C8orf76: variants seen among roughly 807,000 people sequenced by gnomAD.
The protein encoded by C8orf76 is chromosome 8 open reading frame 76, also known as uncharacterized protein C8orf76.
C8orf76 carries 46 observed loss-of-function variants against 38.1 expected under a neutral mutation model. The ratio of observed to expected loss-of-function variants is 1.21; its 90% CI spans 0.95 to 1.54. The LOEUF is 1.54. Among genes scored for constraint, C8orf76 ranks in the 40% most tolerant of loss-of-function variants. The pLI is 0.00. For synonymous variants in C8orf76, 166 were observed against 167.5 expected (o/e 0.99, Z 0.07); for missense variants, 461 against 441.6 (o/e 1.04, Z -0.39).
At chr8:123,234,252 G>T (rs371849650) in intron 3 of C8orf76, among the ~76,000 whole-genome samples, 13 of 152,136 alleles carry the variant, frequency 8.5e-5, no homozygotes, top group African/African-American at 3.1e-4. Flanking sequence ...TCACAGAGAG[G>T]TTAGATAACT....
In C8orf76 at chr8:123,237,053, C is replaced by T. The variant is rs1358075511; in HGVS notation, c.357+745G>A. ...CACCCTGCACCTGGTGCTGCGCCTGCGAGGTGGCATTACTGAGCCTTCCCT... is the reference window on the plus strand; with the variant it reads ...CACCCTGCACCTGGTGCTGCGCCTGTGAGGTGGCATTACTGAGCCTTCCCT... On this transcript the variant is annotated intron_variant, in intron 3 of 5. Transcript: ENST00000276704. The T allele has an allele frequency of 2.0e-4, 256 of 1,306,124 alleles. 1 individual carries two copies. Among genetic ancestry groups the T allele is most frequent in the Admixed American group, 3.4e-5 (2 of 59,292 alleles). 80.9% of individuals were successfully genotyped at this position (1,306,124 alleles called of 1,614,324 possible). A position where few individuals can be genotyped will look rare whatever the true frequency, so the allele number is the denominator to read the frequency against.
At chr8:123,221,035 C>A (rs890749790) in intron 5 of C8orf76, among the ~76,000 whole-genome samples, 4 of 152,210 alleles carry the variant, frequency 2.6e-5, no homozygotes, top group Admixed American at 1.3e-4. Flanking sequence ...TTAAGTTCCA[C>A]ATAGATTTGC....
intron 1 of C8orf76, 151 bp downstream of exon 1, chr8:123,241,079 T>G: frequency 9.5e-6 from 7 of 734,002 alleles, no homozygotes; most frequent in Non-Finnish European, 1.4e-5. Flanking sequence ...CGCTTCCCCG[T>G]GGAGGAGGAG....
intron 4 of C8orf76, among the ~76,000 whole-genome samples, chr8:123,228,046 C>T (rs1825109256): frequency 6.6e-6 from 1 of 152,164 alleles, no homozygotes; most frequent in Non-Finnish European, 1.5e-5. Flanking sequence ...TCTGCTCATC[C>T]TCCCAGATGT....
intron 1 of C8orf76, chr8:123,239,672 A>T (rs1825613885): frequency 6.5e-6 from 1 of 152,718 alleles, no homozygotes; most frequent in Non-Finnish European, 1.5e-5. Flanking sequence ...AAGGAAAGTG[A>T]GACTGAGATT....
Position 123,241,338 on chromosome 8 carries a change from G to A in C8orf76, c.9C>T (p.Ser3=), listed in dbSNP as rs576491864. 3.3e-4 allele frequency: 520 copies of A among 1,562,820 alleles called. No individual in the cohort carries two copies. The highest frequency in any genetic ancestry group is 3.5e-4 in the Non-Finnish European group (402 of 1,161,532). Residue 3 remains serine (S), a synonymous_variant, in exon 1 of 6, where the codon TCC becomes TCT. Coordinates refer to ENST00000276704, the MANE Select transcript of C8orf76 (RefSeq NM_032847.3). The part of the protein sequence containing the change: MD[S]GCWLFGGEFE... ...ACTCGCCGCCGAACAACCAGCACCC[G>A]GAATCCATCTCGCGCCCGCGGCGGG...
intron 3 of C8orf76, among the ~76,000 whole-genome samples, chr8:123,232,258 G>A (rs111731359): frequency 0.038 from 5,753 of 152,292 alleles, 157 homozygotes; most frequent in Non-Finnish European, 0.06. Flanking sequence ...GGATAGCCCT[G>A]AAGCTCTCCA....
In C8orf76 at chr8:123,241,377, C is replaced by A. The variant is rs1187309363; in HGVS notation, c.-31G>T. ...GCCCGCGGCGGGGGCAACGAGGAAG[C>A]GGGGCCCGCCGGAAAAGGCGGGGCT... On this transcript the variant is annotated 5_prime_UTR_variant, in exon 1 of 6. Transcript: ENST00000276704. The A allele has an allele frequency of 2.6e-6, 4 of 1,524,590 alleles. No individual in the cohort carries two copies. The highest frequency in any genetic ancestry group is 1.7e-6 in the Non-Finnish European group (2 of 1,147,092). 94.4% of individuals were successfully genotyped at this position (1,524,590 alleles called of 1,614,324 possible).
chr8:123,227,093 G>A (rs55705246), intron 4 of C8orf76, among the ~76,000 whole-genome samples: 1 of 151,948 alleles, frequency 6.6e-6, no homozygotes, highest in Non-Finnish European at 1.5e-5. Context: ...TGACCGCAAG[G>A]ACTAATTAGA....
intron 1 of C8orf76, among the ~76,000 whole-genome samples, chr8:123,240,830 G>A (rs865916771): frequency 6.6e-6 from 1 of 152,236 alleles, no homozygotes; most frequent in Non-Finnish European, 1.5e-5. Flanking sequence ...GGTTGGTACG[G>A]GCAGGGGGAG....
At chr8:123,240,318 G>C (rs1825638500) in intron 1 of C8orf76, among the ~76,000 whole-genome samples, 1 of 152,090 alleles carries the variant, frequency 6.6e-6, no homozygotes, top group South Asian at 2.1e-4. Context: ...TTGAAAGATC[G>C]TATGTGATAA....
At chr8:123,236,279 C>T (rs540150195) in intron 3 of C8orf76, among the ~76,000 whole-genome samples, 4 of 152,270 alleles carry the variant, frequency 2.6e-5, no homozygotes, top group African/African-American at 9.6e-5. Context: ...AGCTCAAAAT[C>T]GGTGCCACAG....
chr8:123,231,349 C>T lies in C8orf76; in HGVS notation c.766G>A (p.Val256Met), dbSNP rs150676502. 1 of 1,613,924 alleles carries T rather than the reference C, an allele frequency of 6.2e-7. No individual in the cohort carries two copies. Residue 256 changes from valine (V) to methionine (M), a missense_variant, in exon 4 of 6, where the codon GTG (valine) becomes ATG (methionine). Transcript: ENST00000276704. ...GCTTTCAGCTGAGTCTCTATCAACA[C>T]TGTTTCTCTCTTTTCTGCCATACAG... ...QNCMAEKRET[V>M]LIETQLKACA...
intron 4 of C8orf76, 64 bp from the exon 5 acceptor site, chr8:123,226,696 C>A: frequency 1.3e-6 from 2 of 1,518,188 alleles, no homozygotes; most frequent in Non-Finnish European, 1.7e-6. Flanking sequence ...AAAGGAAAGC[C>A]GCGAGGAAAT....
At chr8:123,234,249 G>A (rs144666290) in intron 3 of C8orf76, among the ~76,000 whole-genome samples, 54 of 152,308 alleles carry the variant, frequency 3.5e-4, no homozygotes, top group African/African-American at 1.3e-3. Context: ...GGGTCACAGA[G>A]AGGTTAGATA....
chr8:123,231,302 G>C lies in C8orf76; in HGVS notation c.813C>G (p.Thr271=). 1.2e-6 allele frequency: 2 copies of C among 1,604,266 alleles called. No homozygotes were observed. The highest frequency in any genetic ancestry group is 1.7e-6 in the Non-Finnish European group (2 of 1,175,252). Residue 271 remains threonine, a splice_region_variant and synonymous_variant, in exon 4 of 6, where the codon ACC becomes ACG. Transcript: ENST00000276704. ...TGCTTAAGTGACTCTCAGCTTACCT[G>C]GTTCGTATAAAAGAGGCACATGCTT... is the stretch of plus-strand genomic sequence containing the variant. ...QLKACASFIR[T]RLLLQFTQPQ...
chr8:123,236,272 T>C (rs909356236), intron 3 of C8orf76, among the ~76,000 whole-genome samples: 1 of 152,128 alleles, frequency 6.6e-6, no homozygotes, highest in African/African-American at 2.4e-5. Context: ...TCCACAAAGC[T>C]CAAAATCGGT....
rs774454997 is a variant in C8orf76, at chr8:123,241,228, A to C, written c.117+2T>G. ...TAAGGCGAAGAGGCCCCAGCTTCTC[A>C]CCTGCGGCTCGCAGAGCTTGGCGCA... On this transcript the variant is annotated splice_donor_variant, in intron 1 of 5. Transcript: ENST00000276704. LOFTEE classifies it high-confidence loss of function. 1 of 1,587,712 alleles carries C rather than the reference A, an allele frequency of 6.3e-7. No individual in the cohort carries two copies. Among genetic ancestry groups the C allele is most frequent in the Non-Finnish European group, 8.5e-7 (1 of 1,171,154 alleles).
intron 3 of C8orf76, among the ~76,000 whole-genome samples, chr8:123,235,891 G>A (rs1379343367): frequency 2.6e-5 from 4 of 152,178 alleles, no homozygotes; most frequent in Non-Finnish European, 5.9e-5. Flanking sequence ...CAGTAGTAAA[G>A]GCTACAGAAA....
Sources: allele counts gnomAD v4.1 joint callset (sites outside exome capture counted in the v4.1 genomes callset), GRCh38; gene constraint gnomAD v4.1.1; transcripts MANE v1.5; gene names NCBI Gene and HGNC (gene_info 2026-07-23, HGNC 2026-07-21).